The following TOX2 variants were observed in gnomAD, a reference collection of about 807,000 sequenced individuals.
The protein encoded by TOX2 is TOX high mobility group box family member 2, also known as granulosa cell HMG box 1.
Under a neutral mutation model 47.4 loss-of-function variants are expected in TOX2, and 15 were observed. The ratio of observed to expected loss-of-function variants is 0.32; its 90% CI spans 0.21 to 0.49. The LOEUF is 0.49. Among genes scored for constraint, TOX2 ranks in the 20% least tolerant of loss-of-function variants. The probability of loss-of-function intolerance (pLI) is 0.99; values close to 1 mark genes in which losing one functional copy is unlikely to be tolerated. For missense variants in TOX2, 622 were observed against 673.1 expected (o/e 0.92, Z 0.84); for synonymous variants, 290 against 296.6 (o/e 0.98, Z 0.23).
In TOX2 at chr20:44,069,024, T is replaced by G; in HGVS notation, c.*338T>G. 1 of 444,390 alleles carries G rather than the reference T, an allele frequency of 2.3e-6. No individual in the cohort carries two copies. The allele number at this position is 444,390 out of a possible 1,614,324, so 27.5% of individuals were successfully genotyped here. A position where few individuals can be genotyped will look rare whatever the true frequency, so the allele number is the denominator to read the frequency against. On this transcript the variant is annotated 3_prime_UTR_variant, in exon 9 of 9. Coordinates refer to ENST00000341197, the MANE Select transcript of TOX2 (RefSeq NM_001098797.2). Reference sequence around the variant, plus strand: ...AGCCCCAGCCCAGGTGGGCCGCCCCTGGCGGGGTCGCTTACCAACGGACAC... The same window carrying G: ...AGCCCCAGCCCAGGTGGGCCGCCCCGGGCGGGGTCGCTTACCAACGGACAC...
intron 3 of TOX2, among the ~76,000 whole-genome samples, chr20:44,026,145 G>A (rs187084973): frequency 1.0e-4 from 15 of 150,542 alleles, no homozygotes; most frequent in East Asian, 5.8e-4. Flanking sequence ...ACTTCTTTCC[G>A]CGTGATTATA....
chr20:43,919,042 G>A (rs1220935254), intron 1 of TOX2, among the ~76,000 whole-genome samples: 1 of 152,212 alleles, frequency 6.6e-6, no homozygotes, highest in Non-Finnish European at 1.5e-5. Flanking sequence ...CTGGACTGAA[G>A]GGATGAAGGC....
chr20:43,969,505 GCTGCAGGGGTAAGCCCCAGGC>G (rs1363433493), intron 1 of TOX2, among the ~76,000 whole-genome samples: 1 of 152,200 alleles, frequency 6.6e-6, no homozygotes, highest in Non-Finnish European at 1.5e-5. Flanking sequence ...TGAGGAGGGG[GCTGCAGGGGTAAGCCCCAGGC>G]CTTAGAGTAC....
intron 1 of TOX2, among the ~76,000 whole-genome samples, chr20:43,968,437 G>A (rs1474129976): frequency 1.3e-5 from 2 of 152,194 alleles, no homozygotes; most frequent in African/African-American, 2.4e-5. Context: ...ATCCTTTGGG[G>A]AAGCATGGTG....
In TOX2 at chr20:44,054,408, C is replaced by T; in HGVS notation, c.761C>T (p.Ala254Val). The T allele has an allele frequency of 6.2e-7, 1 of 1,612,620 alleles. No homozygotes were observed. The highest frequency in any genetic ancestry group is 1.1e-5 in the South Asian group (1 of 90,886). ...NEPQKPVSAY[A>V]LFFRDTQAAI... Reference sequence around the variant, plus strand: ...CCGCAGAAGCCTGTGTCGGCCTACGCACTCTTCTTCAGAGACACTCAGGCC... The same window carrying T: ...CCGCAGAAGCCTGTGTCGGCCTACGTACTCTTCTTCAGAGACACTCAGGCC... The change falls in exon 5 of 9, where the codon GCA becomes GTA. Residue 254 changes from alanine to valine, a missense_variant. Transcript: ENST00000341197.
intron 5 of TOX2, among the ~76,000 whole-genome samples, chr20:44,060,004 A>G (rs2071689104): frequency 1.3e-5 from 2 of 152,336 alleles, no homozygotes; most frequent in South Asian, 4.1e-4. Context: ...TGCTGTCTTC[A>G]AGAGACTCAC....
intron 1 of TOX2, among the ~76,000 whole-genome samples, chr20:43,939,231 C>T (rs930161079): frequency 6.6e-6 from 1 of 152,202 alleles, no homozygotes; most frequent in Admixed American, 6.5e-5. Context: ...TAGCTGTGCA[C>T]ATCTAGTAAG....
At chr20:44,037,869 A>G (rs1457809955) in intron 3 of TOX2, among the ~76,000 whole-genome samples, 1 of 152,176 alleles carries the variant, frequency 6.6e-6, no homozygotes, top group South Asian at 2.1e-4. Context: ...TGTGGAATCA[A>G]CTTTGGAACT....
At chr20:44,014,603 C>G (rs2070843332) in intron 3 of TOX2, among the ~76,000 whole-genome samples, 1 of 152,272 alleles carries the variant, frequency 6.6e-6, no homozygotes, top group Admixed American at 6.5e-5. Flanking sequence ...AGGGGTTGAT[C>G]CTCCCTGAGC....
At chr20:43,931,576 A>T (rs1343498220) in intron 1 of TOX2, among the ~76,000 whole-genome samples, 1 of 152,154 alleles carries the variant, frequency 6.6e-6, no homozygotes, top group African/African-American at 2.4e-5. Context: ...CCCAATGTCC[A>T]TAGGAGACAT....
chr20:44,050,173 T>C (rs1323178985), intron 3 of TOX2, among the ~76,000 whole-genome samples: 1 of 148,872 alleles, frequency 6.7e-6, no homozygotes, highest in Non-Finnish European at 1.5e-5. Flanking sequence ...ATCGTACATA[T>C]AAATATATAC....
intron 2 of TOX2, among the ~76,000 whole-genome samples, chr20:43,986,285 A>ATGTATGTG (rs1555836350): frequency 5.9e-5 from 9 of 151,508 alleles, no homozygotes; most frequent in Non-Finnish European, 1.3e-4. Flanking sequence ...GTATGTATGT[A>ATGTATGTG]TGTGTGTATT....
rs1469081756 is a variant in TOX2, at chr20:43,916,658, C to G, written c.99+1668C>G. Among the ~76,000 whole-genome samples, 3 of 152,168 alleles carry G rather than the reference C, an allele frequency of 2.0e-5. No homozygotes were observed. Among genetic ancestry groups the G allele is most frequent in the Middle Eastern group, 3.2e-3 (1 of 316 alleles). ...AGGAGAAGGTTGGGTGTGGGGGCAG[C>G]TGGTCTGTCTTCTGCCCTTGGCTTT... On this transcript the variant is annotated intron_variant, in intron 1 of 8. Coordinates refer to ENST00000341197, the MANE Select transcript of TOX2 (RefSeq NM_001098797.2). This position sits in a 1 kb window ranked among gnomAD's most constrained non-coding sequence, Gnocchi z 5.0.
At chr20:44,029,309 G>T (rs1346936153) in intron 3 of TOX2, among the ~76,000 whole-genome samples, 1 of 152,214 alleles carries the variant, frequency 6.6e-6, no homozygotes, top group Admixed American at 6.5e-5. Context: ...GTGATAACAA[G>T]CACCATACCC....
In TOX2 at chr20:43,978,763, T is replaced by TTGTGTGTGTGTG. The variant is rs9305120; in HGVS notation, c.165+5355_165+5366dup. ...TTTTTACAGGAATTATTGAAAGAAC[T>TTGTGTGTGTGTG]TGTGTGTGTGTGTGTGTGTGTGTGT... On this transcript the variant is annotated intron_variant, in intron 2 of 8. Coordinates refer to ENST00000341197, the MANE Select transcript of TOX2 (RefSeq NM_001098797.2). 3.5e-3 allele frequency among the ~76,000 whole-genome samples: 506 copies of TTGTGTGTGTGTG among 146,592 alleles called. 3 individuals are homozygous for TTGTGTGTGTGTG. The highest frequency in any genetic ancestry group is 0.018 in the Middle Eastern group (5 of 284).
At chr20:43,939,524 C>T (rs79645278) in intron 1 of TOX2, among the ~76,000 whole-genome samples, 19,504 of 152,100 alleles carry the variant, frequency 0.13, 1,474 homozygotes, top group East Asian at 0.26. Flanking sequence ...AAGAGTAGGA[C>T]GGATGCCAAG....
At chr20:43,924,585 T>C (rs967947081) in intron 1 of TOX2, among the ~76,000 whole-genome samples, 3 of 152,192 alleles carry the variant, frequency 2.0e-5, no homozygotes, top group Non-Finnish European at 4.4e-5. Context: ...CCAGCCTCAA[T>C]GCAGGTCAGT....
At chr20:43,987,879 CAG>C (rs2070295531) in intron 2 of TOX2, among the ~76,000 whole-genome samples, 1 of 144,826 alleles carries the variant, frequency 6.9e-6, no homozygotes, top group Non-Finnish European at 1.5e-5. Flanking sequence ...TCCTTGTGGA[CAG>C]AGTTTTAGGA....
chr20:43,938,485 G>A (rs2069358181), intron 1 of TOX2, among the ~76,000 whole-genome samples: 1 of 152,204 alleles, frequency 6.6e-6, no homozygotes, highest in Non-Finnish European at 1.5e-5. Context: ...CCTGCCCCAT[G>A]TCCTGATGGG....
Sources: gnomAD v4.1 joint callset for allele counts (sites outside exome capture counted in the v4.1 genomes callset) on GRCh38, gnomAD v4.1.1 for gene constraint, Gnocchi (gnomAD v3.1) non-coding constraint, MANE v1.5 for transcripts, NCBI Gene and HGNC (gene_info 2026-07-23, HGNC 2026-07-21) for gene names.